ANKRD31: variants seen among roughly 807,000 people sequenced by gnomAD.
The protein encoded by ANKRD31 is ankyrin repeat domain-containing protein 31.
Under a neutral mutation model 186.0 loss-of-function variants are expected in ANKRD31, and 147 were observed. The observed-to-expected ratio is 0.79, with a 90% CI of 0.69 to 0.91. ANKRD31 has a LOEUF of 0.91. Ranked by LOEUF, ANKRD31 falls within the 40% of genes least tolerant of loss-of-function variation. ANKRD31 has a pLI of 0.00. For missense variants in ANKRD31, 1,986 were observed against 2,148.8 expected, an observed-to-expected ratio of 0.92 and a Z score of 1.50; for synonymous variants, 673 against 736.4, an observed-to-expected ratio of 0.91 and a Z score of 1.39.
chr5:75,084,969 G>A (rs1321727135), intron 23 of ANKRD31, among the ~76,000 whole-genome samples: 1 of 152,118 alleles, frequency 6.6e-6, no homozygotes, highest in Non-Finnish European at 1.5e-5. Context: ...CAGGGATGAG[G>A]CAGAACTGGT....
At chr5:75,139,758 T>G (rs1418810171) in intron 15 of ANKRD31, among the ~76,000 whole-genome samples, 1 of 152,162 alleles carries the variant, frequency 6.6e-6, no homozygotes, top group Non-Finnish European at 1.5e-5. Flanking sequence ...AGAGCCAATC[T>G]GAACTCACGC....
intron 17 of ANKRD31, among the ~76,000 whole-genome samples, chr5:75,124,274 A>G (rs1340151337): frequency 2.0e-5 from 3 of 152,164 alleles, no homozygotes; most frequent in East Asian, 3.8e-4. Flanking sequence ...TAAAAAGACA[A>G]AAAACAACAG....
At chr5:75,203,433 G>A (rs1037699589) in intron 5 of ANKRD31, among the ~76,000 whole-genome samples, 3 of 152,208 alleles carry the variant, frequency 2.0e-5, no homozygotes, top group African/African-American at 7.2e-5. Flanking sequence ...GGAGACCCAG[G>A]TGGGTGGATC....
intron 17 of ANKRD31, among the ~76,000 whole-genome samples, chr5:75,125,603 A>G (rs1261608546): frequency 6.6e-6 from 1 of 152,214 alleles, no homozygotes; most frequent in African/African-American, 2.4e-5. Flanking sequence ...TATTCTGCCA[A>G]TGTGTTAAGA....
Position 75,192,695 on chromosome 5 carries a change from C to T in ANKRD31, c.1380G>A (p.Arg460=), listed in dbSNP as rs1446118688. The T allele has an allele frequency of 1.3e-6, 2 of 1,533,190 alleles. No homozygotes were observed. Among genetic ancestry groups the T allele is most frequent in the Non-Finnish European group, 1.7e-6 (2 of 1,145,000 alleles). The allele number at this position is 1,533,190 out of a possible 1,614,324, so 95.0% of individuals were successfully genotyped here. A position where few individuals can be genotyped will look rare whatever the true frequency, so the allele number is the denominator to read the frequency against. The part of the protein sequence containing the change: ...SARFKNGKQI[R]KNEQFSGKKE... ...TTTTTCCTGAAAATTGTTCATTTTTCCTGATCTGTTTTCCATTCTTGAACC... is the reference window on the plus strand; with the variant it reads ...TTTTTCCTGAAAATTGTTCATTTTTTCTGATCTGTTTTCCATTCTTGAACC... Residue 460 remains arginine (R), a synonymous_variant, in exon 9 of 26, where the codon AGG becomes AGA. Transcript: ENST00000506364.
Position 75,230,646 on chromosome 5 carries a change from C to G in ANKRD31, c.105-11G>C, listed in dbSNP as rs1757891308. 2.0e-6 allele frequency: 3 copies of G among 1,497,928 alleles called. No homozygotes were observed. Among genetic ancestry groups the G allele is most frequent in the Non-Finnish European group, 2.6e-6 (3 of 1,137,722 alleles). 92.8% of individuals were successfully genotyped at this position (1,497,928 alleles called of 1,614,324 possible). A position where few individuals can be genotyped will look rare whatever the true frequency, so the allele number is the denominator to read the frequency against. The stretch of plus-strand genomic sequence containing the variant: ...TGATCAAACAGCAACCTTTCAAATA[C>G]CAAAAGGGAAGGCACAAGTTGTTAA... On this transcript the variant is annotated splice_polypyrimidine_tract_variant and intron_variant, in intron 1 of 25. Transcript: ENST00000506364.
chr5:75,198,854 A>G (rs916280625), intron 6 of ANKRD31, among the ~76,000 whole-genome samples: 3 of 152,144 alleles, frequency 2.0e-5, no homozygotes, highest in African/African-American at 4.8e-5. Flanking sequence ...CGCTGCCCCT[A>G]TCTTACAGAT....
chr5:75,142,433 T>TATTTA (rs1751114634), intron 15 of ANKRD31, among the ~76,000 whole-genome samples: 1 of 152,104 alleles, frequency 6.6e-6, no homozygotes, highest in East Asian at 1.9e-4. Context: ...ATATATTATC[T>TATTTA]ATTTATTTAA....
At chr5:75,221,831 TC>T (rs1410043468) in intron 3 of ANKRD31, among the ~76,000 whole-genome samples, 4 of 152,122 alleles carry the variant, frequency 2.6e-5, no homozygotes, top group African/African-American at 9.7e-5. Context: ...TTTATGATCT[TC>T]TTAACATTTT....
At chr5:75,183,894 G>A (rs1754503429) in intron 10 of ANKRD31, among the ~76,000 whole-genome samples, 1 of 151,678 alleles carries the variant, frequency 6.6e-6, no homozygotes, top group African/African-American at 2.4e-5. Context: ...ATTCATCACA[G>A]GAATAAAAAA....
chr5:75,159,173 T>C (rs760921009), intron 11 of ANKRD31, among the ~76,000 whole-genome samples: 8 of 151,818 alleles, frequency 5.3e-5, no homozygotes, highest in Non-Finnish European at 8.8e-5. Context: ...TAACAAAGAT[T>C]ACACAATCAG....
chr5:75,223,385 C>T (rs1301903183), intron 2 of ANKRD31, among the ~76,000 whole-genome samples: 1 of 152,082 alleles, frequency 6.6e-6, no homozygotes, highest in South Asian at 2.1e-4. Context: ...GACTTAAACA[C>T]CACTAGAATA....
At chr5:75,159,533 C>T (rs547485590) in intron 11 of ANKRD31, among the ~76,000 whole-genome samples, 2 of 152,028 alleles carry the variant, frequency 1.3e-5, no homozygotes, top group South Asian at 4.1e-4. Context: ...AAATTAGTAT[C>T]TCACTTATTA....
In ANKRD31 at chr5:75,192,674, TC is replaced by T; in HGVS notation, c.1400del (p.Gly467GlufsTer6). The T allele has an allele frequency of 6.5e-7, 1 of 1,527,054 alleles. No individual in the cohort carries two copies. 94.6% of individuals were successfully genotyped at this position (1,527,054 alleles called of 1,614,324 possible). A position where few individuals can be genotyped will look rare whatever the true frequency, so the allele number is the denominator to read the frequency against. On this transcript the variant is annotated frameshift_variant, in exon 9 of 26. Coordinates refer to ENST00000506364, the MANE Select transcript of ANKRD31 (RefSeq NM_001372053.1). LOFTEE classifies it high-confidence loss of function. Reference protein sequence around the residue: ...KQIRKNEQFSGKKEKMKVNKI... With the variant: ...KQIRKNEQFSXKKEKMKVNKI... ...ACTCAAAATATGCATCACCTTTTTTTCCTGAAAATTGTTCATTTTTCCTGAT... is the reference window on the plus strand; with the variant it reads ...ACTCAAAATATGCATCACCTTTTTTTCTGAAAATTGTTCATTTTTCCTGAT...
intron 22 of ANKRD31, among the ~76,000 whole-genome samples, chr5:75,100,908 A>AT (rs1746806682): frequency 6.6e-6 from 1 of 152,170 alleles, no homozygotes; most frequent in South Asian, 2.1e-4. Flanking sequence ...TAATTGGAGC[A>AT]TTTAGTCCAT....
intron 20 of ANKRD31, among the ~76,000 whole-genome samples, chr5:75,108,321 C>T (rs1436119338): frequency 6.6e-6 from 1 of 151,994 alleles, no homozygotes; most frequent in Non-Finnish European, 1.5e-5. Flanking sequence ...TTACAAACCA[C>T]CATTACAATA....
intron 9 of ANKRD31, among the ~76,000 whole-genome samples, chr5:75,192,072 A>G (rs1471152732): frequency 6.6e-6 from 1 of 152,092 alleles, no homozygotes; most frequent in Admixed American, 6.6e-5. Context: ...ATGCCCTTTT[A>G]CTTACTAATA....
chr5:75,205,093 T>C (rs1177650230), intron 5 of ANKRD31, among the ~76,000 whole-genome samples: 2 of 152,144 alleles, frequency 1.3e-5, no homozygotes, highest in Admixed American at 6.5e-5. Flanking sequence ...CTCGAACTCT[T>C]AGGCTCAAGC....
At position 75,178,692 on chromosome 5, in the gene ANKRD31, C is replaced by G. The variant is rs541326352; in HGVS notation, c.1565-9571G>C. On this transcript the variant is annotated intron_variant, in intron 10 of 25. Transcript: ENST00000506364. The stretch of plus-strand genomic sequence containing the variant: ...AGATGTTCTTTGAAACCAACGAGAA[C>G]AAAGACACAACATACCAGAATCTCT... 8.1e-3 allele frequency among the ~76,000 whole-genome samples: 1,220 copies of G among 150,782 alleles called. 18 individuals are homozygous for G. Among genetic ancestry groups the G allele is most frequent in the African/African-American group, 0.027 (1,102 of 41,276 alleles).
Sources: gnomAD v4.1 joint callset for allele counts (sites outside exome capture counted in the v4.1 genomes callset) on GRCh38, gnomAD v4.1.1 for gene constraint, MANE v1.5 for transcripts, NCBI Gene and HGNC (gene_info 2026-07-23, HGNC 2026-07-21) for gene names.